UNC5C: variants seen among roughly 807,000 people sequenced by gnomAD.
UNC5C encodes the protein unc-5 netrin receptor C.
In UNC5C, 47 loss-of-function variants were observed where a neutral mutation model predicts 99.8. The observed-to-expected ratio is 0.47, with a 90% CI of 0.37 to 0.60. The LOEUF (loss-of-function observed/expected upper bound fraction) is 0.60, where lower values mean the gene tolerates loss of function less well. Among genes scored for constraint, UNC5C ranks in the 20% least tolerant of loss-of-function variants. UNC5C has a pLI of 0.00. For synonymous variants in UNC5C, 487 were observed against 452.2 expected (o/e 1.08, Z -0.98); for missense variants, 1,062 against 1,165.9 (o/e 0.91, Z 1.30).
chr4:95,492,822 T>C (rs1721535544), intron 1 of UNC5C, among the ~76,000 whole-genome samples: 1 of 151,522 alleles, frequency 6.6e-6, no homozygotes, highest in Non-Finnish European at 1.5e-5. Flanking sequence ...GAAATAATTG[T>C]GATTTTTTGC....
chr4:95,513,045 A>G (rs1409516353), intron 1 of UNC5C, among the ~76,000 whole-genome samples: 2 of 152,112 alleles, frequency 1.3e-5, no homozygotes, highest in Admixed American at 1.3e-4. Flanking sequence ...TAGCATCACA[A>G]CCTCCACAAG....
At chr4:95,451,650 T>G (rs1747281752) in intron 1 of UNC5C, among the ~76,000 whole-genome samples, 1 of 152,182 alleles carries the variant, frequency 6.6e-6, no homozygotes, top group Non-Finnish European at 1.5e-5. Context: ...TTGTTTTGTC[T>G]GAGATCAGAT....
chr4:95,177,013 C>T (rs942333817), intron 14 of UNC5C, among the ~76,000 whole-genome samples: 15 of 152,288 alleles, frequency 9.8e-5, no homozygotes, highest in Middle Eastern at 3.4e-3. Context: ...TTCCAGGTGC[C>T]GTCTGTCACC....
chr4:95,484,827 C>G (rs916577929), intron 1 of UNC5C, among the ~76,000 whole-genome samples: 1 of 151,670 alleles, frequency 6.6e-6, no homozygotes, highest in African/African-American at 2.4e-5. Flanking sequence ...TGGCTTGGAC[C>G]AAGGTTAAAG....
intron 1 of UNC5C, among the ~76,000 whole-genome samples, chr4:95,490,299 A>G (rs1721446448): frequency 6.6e-6 from 1 of 151,734 alleles, no homozygotes; most frequent in Admixed American, 6.6e-5. Context: ...TGACAACTCT[A>G]AAAAGTTTGA....
At chr4:95,222,803 C>A (rs1335369645) in intron 7 of UNC5C, among the ~76,000 whole-genome samples, 1 of 152,160 alleles carries the variant, frequency 6.6e-6, no homozygotes, top group Admixed American at 6.5e-5. Flanking sequence ...CTCAAATCTA[C>A]TTTTTGGATT....
chr4:95,307,752 C>T (rs1188142501), intron 2 of UNC5C, among the ~76,000 whole-genome samples: 1 of 152,122 alleles, frequency 6.6e-6, no homozygotes, highest in African/African-American at 2.4e-5. Flanking sequence ...TGCAACAGCA[C>T]ATTAAAAGGA....
At chr4:95,406,276 C>T (rs191050308) in intron 1 of UNC5C, among the ~76,000 whole-genome samples, 1 of 152,322 alleles carries the variant, frequency 6.6e-6, no homozygotes, top group Non-Finnish European at 1.5e-5. Flanking sequence ...CAGTGTTCTG[C>T]TTCCCATCTG....
At chr4:95,513,777 G>A (rs577616623) in intron 1 of UNC5C, among the ~76,000 whole-genome samples, 5 of 152,140 alleles carry the variant, frequency 3.3e-5, no homozygotes, top group East Asian at 1.9e-4. Flanking sequence ...TTCAAACTTC[G>A]ATATATTTTT....
intron 1 of UNC5C, among the ~76,000 whole-genome samples, chr4:95,402,381 G>C (rs1745725199): frequency 6.6e-6 from 1 of 152,166 alleles, no homozygotes. Context: ...TGTGGGCTCT[G>C]TGATCAAGCA....
chr4:95,544,198 C>G (rs570556803), intron 1 of UNC5C, among the ~76,000 whole-genome samples: 2 of 152,270 alleles, frequency 1.3e-5, no homozygotes, highest in East Asian at 3.9e-4. Context: ...TGCTCATAGT[C>G]ACACAGCTGG....
intron 7 of UNC5C, among the ~76,000 whole-genome samples, chr4:95,238,106 T>C (rs191862526): frequency 6.6e-6 from 1 of 152,290 alleles, no homozygotes; most frequent in East Asian, 1.9e-4. Flanking sequence ...ATTTCTTAAC[T>C]TTCAATCTTT....
chr4:95,465,545 A>G (rs1469105154), intron 1 of UNC5C, among the ~76,000 whole-genome samples: 2 of 152,090 alleles, frequency 1.3e-5, no homozygotes, highest in Admixed American at 6.6e-5. Flanking sequence ...AAGAAAGCCA[A>G]ATAGTCTTTC....
At chr4:95,483,457 C>T (rs1721231807) in intron 1 of UNC5C, among the ~76,000 whole-genome samples, 1 of 151,448 alleles carries the variant, frequency 6.6e-6, no homozygotes, top group Admixed American at 6.6e-5. Flanking sequence ...ATGAGTCTGC[C>T]CACTAGAAAT....
intron 4 of UNC5C, among the ~76,000 whole-genome samples, chr4:95,252,891 A>C (rs1261998318): frequency 6.6e-6 from 1 of 152,238 alleles, no homozygotes; most frequent in Non-Finnish European, 1.5e-5. Context: ...CAGTGTGCAC[A>C]AACTTTGTTT....
chr4:95,178,445 T>G (rs1462548711), intron 14 of UNC5C, among the ~76,000 whole-genome samples: 1 of 112,564 alleles, frequency 8.9e-6, no homozygotes, highest in Non-Finnish European at 1.8e-5. Context: ...GTTACTGCCT[T>G]TTATTTCTCA....
chr4:95,317,370 C>T (rs1478471124), intron 2 of UNC5C, among the ~76,000 whole-genome samples: 2 of 152,112 alleles, frequency 1.3e-5, no homozygotes, highest in Non-Finnish European at 2.9e-5. Context: ...CAACTGAGAG[C>T]GGCTGCATTA....
intron 7 of UNC5C, among the ~76,000 whole-genome samples, chr4:95,239,824 T>C (rs1739267715): frequency 6.6e-6 from 1 of 152,220 alleles, no homozygotes; most frequent in Admixed American, 6.5e-5. Flanking sequence ...ATATCAACAG[T>C]AATATTTTCT....
intron 1 of UNC5C, among the ~76,000 whole-genome samples, chr4:95,396,219 A>G (rs1003094108): frequency 9.9e-5 from 15 of 152,162 alleles, no homozygotes; most frequent in Admixed American, 2.0e-4. Flanking sequence ...ATCAGAACAC[A>G]TGAATTCAGG....
Sources: allele counts gnomAD v4.1 joint callset (sites outside exome capture counted in the v4.1 genomes callset), GRCh38; gene constraint gnomAD v4.1.1; transcripts MANE v1.5; gene names NCBI Gene and HGNC (gene_info 2026-07-23, HGNC 2026-07-21).